The following TSNARE1 variants were observed in gnomAD, a reference collection of about 807,000 sequenced individuals.
The protein encoded by TSNARE1 is t-SNARE domain-containing protein 1.
A neutral mutation model predicts 62.0 loss-of-function variants in TSNARE1; 49 were observed. That is an observed-to-expected ratio of 0.79 (90% confidence interval 0.63 to 1.00). The LOEUF (loss-of-function observed/expected upper bound fraction) is 1.00. TSNARE1 is among the 50% of genes least tolerant of loss of function. TSNARE1 has a pLI of 0.00. For synonymous variants in TSNARE1, 328 were observed against 294.4 expected (o/e 1.11, Z -1.17); for missense variants, 755 against 700.1 (o/e 1.08, Z -0.88).
intron 12 of TSNARE1, among the ~76,000 whole-genome samples, chr8:142,244,280 G>A (rs1331232621): frequency 6.6e-6 from 1 of 152,124 alleles, no homozygotes; most frequent in Non-Finnish European, 1.5e-5. Flanking sequence ...ATGAACACTT[G>A]GCTGACTATA....
chr8:142,354,401 C>G (rs1834519173), intron 2 of TSNARE1, among the ~76,000 whole-genome samples: 1 of 152,076 alleles, frequency 6.6e-6, no homozygotes. Context: ...CAGCTCCATG[C>G]CCAGCATGAA....
In TSNARE1 at chr8:142,293,126, G is replaced by A. The variant is rs555673922; in HGVS notation, c.1290+7360C>T. On this transcript the variant is annotated intron_variant, in intron 10 of 13. Coordinates refer to ENST00000524325, the MANE Select transcript of TSNARE1 (RefSeq NM_145003.5). Reference sequence around the variant, plus strand: ...AAGAAAACGCAAACCCCTCCCTCGAGCAGCCGCACCGCAGGCCATCAGCAG... The same window carrying A: ...AAGAAAACGCAAACCCCTCCCTCGAACAGCCGCACCGCAGGCCATCAGCAG... Among the ~76,000 whole-genome samples the A allele has an allele frequency of 1.5e-3, 221 of 152,270 alleles. 1 individual carries two copies. The highest frequency in any genetic ancestry group is 6.8e-3 in the Middle Eastern group (2 of 294).
chr8:142,219,955 C>T (rs577912240), intron 13 of TSNARE1, among the ~76,000 whole-genome samples: 15 of 152,196 alleles, frequency 9.9e-5, no homozygotes, highest in South Asian at 4.2e-4. Context: ...GAGGAAGAGA[C>T]GGAGGGGAAA....
intron 11 of TSNARE1, chr8:142,275,866 C>T: frequency 2.1e-6 from 2 of 958,968 alleles, no homozygotes; most frequent in South Asian, 5.0e-5. Context: ...ACGACTGGCT[C>T]TGAGGGAGGA....
chr8:142,282,014 C>T (rs758530975), intron 11 of TSNARE1, among the ~76,000 whole-genome samples: 95 of 152,308 alleles, frequency 6.2e-4, no homozygotes, highest in Non-Finnish European at 1.2e-3. Context: ...TACAGCCTGG[C>T]GCTAAGGTAG....
At chr8:142,356,182 C>G (rs936759289) in intron 1 of TSNARE1, among the ~76,000 whole-genome samples, 1 of 152,230 alleles carries the variant, frequency 6.6e-6, no homozygotes, top group African/African-American at 2.4e-5. Context: ...CCCAGCAGGA[C>G]AGCTGGACTC....
chr8:142,295,297 G>A (rs1485517180), intron 10 of TSNARE1, among the ~76,000 whole-genome samples: 1 of 152,256 alleles, frequency 6.6e-6, no homozygotes, highest in Non-Finnish European at 1.5e-5. Flanking sequence ...TCCAGAGACA[G>A]ATGGCACTTG....
intron 11 of TSNARE1, among the ~76,000 whole-genome samples, chr8:142,283,560 G>A (rs911017407): frequency 3.7e-5 from 5 of 133,916 alleles, no homozygotes; most frequent in Non-Finnish European, 7.8e-5. Context: ...AATGAGCAGA[G>A]GCGGAGTTAG....
intron 11 of TSNARE1, among the ~76,000 whole-genome samples, chr8:142,283,635 T>C (rs1271084351): frequency 6.9e-6 from 1 of 145,966 alleles, no homozygotes; most frequent in East Asian, 2.1e-4. Context: ...ACAGTGTCAA[T>C]GAACAGAGGC....
At chr8:142,255,749 TCAC>T (rs779655518) in intron 12 of TSNARE1, among the ~76,000 whole-genome samples, 24 of 25,638 alleles carry the variant, frequency 9.4e-4, no homozygotes, top group Middle Eastern at 0.036. Context: ...ACTGTCACCA[TCAC>T]CACCACCATC....
At chr8:142,273,536 G>A (rs746219496) in intron 12 of TSNARE1, 50 of 985,290 alleles carry the variant, frequency 5.1e-5, no homozygotes, top group Non-Finnish European at 5.5e-5. Flanking sequence ...TCCTGCAGGT[G>A]ACCTTGGCAC....
chr8:142,320,759 G>T (rs752939754), intron 6 of TSNARE1, among the ~76,000 whole-genome samples: 1 of 152,232 alleles, frequency 6.6e-6, no homozygotes, highest in South Asian at 2.1e-4. Context: ...ACCAACACCT[G>T]CCCAGACAGC....
intron 13 of TSNARE1, among the ~76,000 whole-genome samples, chr8:142,229,221 G>A (rs1234436981): frequency 4.1e-5 from 6 of 145,186 alleles, no homozygotes; most frequent in Admixed American, 2.8e-4. Flanking sequence ...TGGATGGTGG[G>A]TGGATGGATG....
intron 1 of TSNARE1, among the ~76,000 whole-genome samples, chr8:142,356,006 T>C (rs903961963): frequency 2.6e-5 from 4 of 152,228 alleles, no homozygotes; most frequent in African/African-American, 9.6e-5. Flanking sequence ...TCCACTGCAT[T>C]AGAAACTCAA....
chr8:142,369,201 G>A (rs1835761572), intron 1 of TSNARE1, among the ~76,000 whole-genome samples: 1 of 152,142 alleles, frequency 6.6e-6, no homozygotes, highest in South Asian at 2.1e-4. Context: ...AACACTGCCG[G>A]GGGTAGGGCA....
At chr8:142,339,087 AG>A (rs1424162969) in intron 4 of TSNARE1, among the ~76,000 whole-genome samples, 2 of 152,064 alleles carry the variant, frequency 1.3e-5, no homozygotes, top group African/African-American at 4.8e-5. Context: ...AAGAGGTAGT[AG>A]GGACAGAGGT....
At chr8:142,227,159 G>A (rs79234755) in intron 13 of TSNARE1, among the ~76,000 whole-genome samples, 1 of 149,344 alleles carries the variant, frequency 6.7e-6, no homozygotes, top group Admixed American at 6.7e-5. Context: ...TGACAGCCAG[G>A]ACCTCCACTG....
chr8:142,278,634 C>T (rs1490773526), intron 11 of TSNARE1: 13 of 985,290 alleles, frequency 1.3e-5, no homozygotes, highest in African/African-American at 3.5e-5. Context: ...TCAGAGCCAG[C>T]GTCACCCTTG....
At chr8:142,281,319 G>A (rs1349709238) in intron 11 of TSNARE1, among the ~76,000 whole-genome samples, 1 of 152,100 alleles carries the variant, frequency 6.6e-6, no homozygotes, top group Admixed American at 6.5e-5. Flanking sequence ...GGGAGCCAGG[G>A]CTCCTGGCAG....
Sources: allele counts gnomAD v4.1 joint callset (sites outside exome capture counted in the v4.1 genomes callset), GRCh38; gene constraint gnomAD v4.1.1; transcripts MANE v1.5; gene names NCBI Gene and HGNC (gene_info 2026-07-23, HGNC 2026-07-21).